HIVEP3: variants seen among roughly 807,000 people sequenced by gnomAD.
HIVEP3 encodes the protein HIVEP zinc finger 3.
HIVEP3 carries 49 observed loss-of-function variants against 152.8 expected under a neutral mutation model. That is an observed-to-expected ratio of 0.32 (90% CI 0.26 to 0.41). The LOEUF (loss-of-function observed/expected upper bound fraction) is 0.41, where lower values mean the gene tolerates loss of function less well. Among genes scored for constraint, HIVEP3 ranks in the 10% least tolerant of loss-of-function variants. The probability of loss-of-function intolerance (pLI) is 1.00; values close to 1 mark genes in which losing one functional copy is unlikely to be tolerated. For synonymous variants in HIVEP3, 1,269 were observed against 1,289.0 expected (o/e 0.98, Z 0.33); for missense variants, 2,790 against 3,103.3 (o/e 0.90, Z 2.40).
intron 1 of HIVEP3, among the ~76,000 whole-genome samples, chr1:41,805,187 A>G (rs1300032420): frequency 3.3e-5 from 5 of 152,168 alleles, no homozygotes; most frequent in Admixed American, 3.3e-4. Flanking sequence ...AAATACAAAA[A>G]TTAGCCAAGC....
At chr1:41,878,053 A>C (rs1644198944) in intron 1 of HIVEP3, among the ~76,000 whole-genome samples, 1 of 152,258 alleles carries the variant, frequency 6.6e-6, no homozygotes. Context: ...TGAGATTTAA[A>C]GAAATATACA....
At position 41,511,321 on chromosome 1, in the gene HIVEP3, G is replaced by C. The variant is rs1042035835; in HGVS notation, c.6406-55C>G. 3 of 1,436,824 alleles carry C rather than the reference G, an allele frequency of 2.1e-6. No homozygotes were observed. The highest frequency in any genetic ancestry group is 1.9e-6 in the Non-Finnish European group (2 of 1,070,478). The allele number at this position is 1,436,824 out of a possible 1,614,324, so 89.0% of individuals were successfully genotyped here. ...TGAAGGTTACATGCTGGGCACATGG[G>C]GAGCCGAGGCCTGGAAGTGGGAGGG... is the stretch of plus-strand genomic sequence containing the variant. On this transcript the variant is annotated intron_variant, in intron 8 of 8. Transcript: ENST00000372583. This position sits in a 1 kb window ranked among gnomAD's most constrained non-coding sequence, Gnocchi z 4.9.
At chr1:41,645,016 G>A (rs1645437966) in intron 2 of HIVEP3, among the ~76,000 whole-genome samples, 1 of 152,152 alleles carries the variant, frequency 6.6e-6, no homozygotes, top group Non-Finnish European at 1.5e-5. Flanking sequence ...CAGTGAGCTG[G>A]TGGGATGCCT....
chr1:41,648,584 A>T (rs1336677217), intron 2 of HIVEP3, among the ~76,000 whole-genome samples: 5 of 152,238 alleles, frequency 3.3e-5, no homozygotes, highest in Non-Finnish European at 5.9e-5. Context: ...GAGCAGCTCA[A>T]GGTGTCTCCA....
intron 5 of HIVEP3, 37 bp from the exon 6 acceptor site, chr1:41,524,947 A>AT: frequency 1.9e-6 from 3 of 1,578,564 alleles, no homozygotes; most frequent in Non-Finnish European, 2.6e-6. Flanking sequence ...GGGAAAAAAA[A>AT]GGAGAAGAGG....
At chr1:41,791,218 G>T (rs1454197274) in intron 1 of HIVEP3, among the ~76,000 whole-genome samples, 4 of 151,992 alleles carry the variant, frequency 2.6e-5, no homozygotes, top group Admixed American at 2.6e-4. Flanking sequence ...AATAGCTTGG[G>T]CTCCTTTGCA....
intron 1 of HIVEP3, among the ~76,000 whole-genome samples, chr1:41,715,563 C>T (rs1450494912): frequency 6.6e-6 from 1 of 152,146 alleles, no homozygotes; most frequent in Non-Finnish European, 1.5e-5. Context: ...ATCCCCAAGG[C>T]AGTTTATTGA....
At chr1:41,994,596 G>A (rs1166970382) in intron 1 of HIVEP3, among the ~76,000 whole-genome samples, 1 of 152,098 alleles carries the variant, frequency 6.6e-6, no homozygotes, top group Non-Finnish European at 1.5e-5. Flanking sequence ...TGAAGAAGGT[G>A]CTTGCTTCTC....
chr1:41,925,989 T>C (rs4379669), intron 1 of HIVEP3, among the ~76,000 whole-genome samples: 5,572 of 152,248 alleles, frequency 0.037, 321 homozygotes, highest in African/African-American at 0.13. Context: ...AGGATCATGC[T>C]TCCCTTCCTT....
intron 1 of HIVEP3, among the ~76,000 whole-genome samples, chr1:41,787,711 T>G (rs1368821678): frequency 1.4e-5 from 2 of 139,146 alleles, no homozygotes; most frequent in African/African-American, 6.5e-5. Context: ...TTTTTTTTTT[T>G]GTAGAGAAAA....
chr1:41,797,623 T>A (rs753466563), intron 1 of HIVEP3, among the ~76,000 whole-genome samples: 2 of 152,176 alleles, frequency 1.3e-5, no homozygotes, highest in Non-Finnish European at 2.9e-5. Context: ...CCGGAAAAGC[T>A]AGCATATTCA....
intron 3 of HIVEP3, among the ~76,000 whole-genome samples, chr1:41,589,345 T>G (rs754263831): frequency 6.6e-6 from 1 of 152,218 alleles, no homozygotes; most frequent in African/African-American, 2.4e-5. Flanking sequence ...GCCAACTGGT[T>G]AGCTCCCACT....
chr1:41,638,331 A>AGGAAGG (rs1558137239), intron 2 of HIVEP3, among the ~76,000 whole-genome samples: 17 of 38,824 alleles, frequency 4.4e-4, no homozygotes, highest in Non-Finnish European at 5.8e-4. Flanking sequence ...AGAAAGAAAG[A>AGGAAGG]AAGGGAGAGA....
chr1:41,776,612 C>T (rs182127296), intron 1 of HIVEP3, among the ~76,000 whole-genome samples: 116 of 152,352 alleles, frequency 7.6e-4, no homozygotes, highest in African/African-American at 2.7e-3. Context: ...TAGCCCCCCA[C>T]TTCACTTTAC....
chr1:41,829,829 T>C (rs1036620231), intron 1 of HIVEP3, among the ~76,000 whole-genome samples: 3 of 152,104 alleles, frequency 2.0e-5, no homozygotes, highest in Non-Finnish European at 4.4e-5. Context: ...AATTCTTAAC[T>C]TTCTCTTATA....
At chr1:41,797,305 G>T (rs2124307091) in intron 1 of HIVEP3, among the ~76,000 whole-genome samples, 1 of 152,314 alleles carries the variant, frequency 6.6e-6, no homozygotes, top group South Asian at 2.1e-4. Context: ...TATCTGTGCT[G>T]AAGACCTTAG....
chr1:42,034,260 G>A lies in HIVEP3; in HGVS notation n.119+1547C>T, dbSNP rs79039649. Among the ~76,000 whole-genome samples, 1,130 of 152,224 alleles carry A rather than the reference G, an allele frequency of 7.4e-3. 14 individuals are homozygous for A. The highest frequency in any genetic ancestry group is 0.057 in the East Asian group (297 of 5,186). ...CATCAGAAGCATTGTAACATTTACTGCACCAAATAATAAATTTTTAAAAAA... is the reference window on the plus strand; with the variant it reads ...CATCAGAAGCATTGTAACATTTACTACACCAAATAATAAATTTTTAAAAAA... On this transcript the variant is annotated intron_variant and non_coding_transcript_variant, in intron 1 of 3. Coordinates refer to the HIVEP3 transcript ENST00000489103.
intron 1 of HIVEP3, among the ~76,000 whole-genome samples, chr1:42,000,137 T>G (rs1169331753): frequency 6.6e-6 from 1 of 152,198 alleles, no homozygotes; most frequent in Non-Finnish European, 1.5e-5. Flanking sequence ...CACTTCTCTT[T>G]CTCTGCTCTG....
intron 2 of HIVEP3, among the ~76,000 whole-genome samples, chr1:41,668,540 C>T (rs1260712826): frequency 6.6e-6 from 1 of 152,190 alleles, no homozygotes; most frequent in Non-Finnish European, 1.5e-5. Context: ...TGGCCTGGGC[C>T]AGACAGCTCA....
Sources: gnomAD v4.1 joint callset for allele counts (sites outside exome capture counted in the v4.1 genomes callset) on GRCh38, gnomAD v4.1.1 for gene constraint, Gnocchi (gnomAD v3.1) non-coding constraint, MANE v1.5 for transcripts, NCBI Gene and HGNC (gene_info 2026-07-23, HGNC 2026-07-21) for gene names.